The following A2ML1 variants were observed in gnomAD, a reference collection of about 807,000 sequenced individuals.
A2ML1 encodes the protein alpha-2-macroglobulin like 1.
A neutral mutation model predicts 181.9 loss-of-function variants in A2ML1; 161 were observed. The observed-to-expected ratio is 0.89, with a 90% CI of 0.78 to 1.01. A2ML1 has a LOEUF of 1.01. A2ML1 is among the 50% of genes least tolerant of loss of function. The pLI, the probability that A2ML1 is intolerant of heterozygous loss-of-function variation, is 0.00. For missense variants in A2ML1, 1,670 were observed against 1,768.1 expected (o/e 0.94, Z 1.00); for synonymous variants, 663 against 666.8 (o/e 0.99, Z 0.09).
In A2ML1 at chr12:8,851,814, A is replaced by G. The variant is rs775503724; in HGVS notation, c.2265A>G (p.Thr755=). ...CGGGGAAGGAGGCGGTCCACGTCACAGTTCCTGACGCCATCACCGAGTGGA... is the reference window on the plus strand; with the variant it reads ...CGGGGAAGGAGGCGGTCCACGTCACGGTTCCTGACGCCATCACCGAGTGGA... The part of the protein sequence containing the change: ...GNSGKEAVHV[T]VPDAITEWKA... The change falls in exon 19 of 36, where the codon ACA becomes ACG. Residue 755 remains threonine (T), a synonymous_variant. Transcript: ENST00000299698. 3 of 1,614,150 alleles carry G rather than the reference A, an allele frequency of 1.9e-6. No individual in the cohort carries two copies. The highest frequency in any genetic ancestry group is 2.5e-6 in the Non-Finnish European group (3 of 1,180,036).
Position 8,868,258 on chromosome 12 carries a change from C to G in A2ML1, c.3962C>G (p.Pro1321Arg), listed in dbSNP as rs190379856. Reference protein sequence around the residue: ...QTVLRYNILPPTNMKTFSLSV... With the variant: ...QTVLRYNILPRTNMKTFSLSV... ...GTGTTGAGATACAATATTCTCCCTC[C>G]CACAAATATGAAGACCTTTAGTCTT... The change falls in exon 31 of 36, where the codon CCC becomes CGC. Residue 1321 changes from proline to arginine, a missense_variant. Physicochemically the swap from Pro to Arg is moderately radical, Grantham distance 103. Transcript: ENST00000299698. 6.2e-7 allele frequency: 1 copy of G among 1,613,754 alleles called. No individual in the cohort carries two copies. Among genetic ancestry groups the G allele is most frequent in the Non-Finnish European group, 8.5e-7 (1 of 1,179,958 alleles).
At chr12:8,849,794 A>T (rs762322572) in intron 17 of A2ML1, 35 bp downstream of exon 17, 2 of 1,587,402 alleles carry the variant, frequency 1.3e-6, no homozygotes, top group Admixed American at 3.3e-5. Context: ...ATTCTCTGAG[A>T]TGTTAACAGT....
chr12:8,860,985 C>G, intron 27 of A2ML1, 30 bp downstream of exon 27: 1 of 1,612,594 alleles, frequency 6.2e-7, no homozygotes. Context: ...GCTCTTGATA[C>G]CCTCCTTCTC....
Position 8,842,511 on chromosome 12 carries a change from G to A in A2ML1, c.1249-623G>A, listed in dbSNP as rs760763919. 1.2e-4 allele frequency among the ~76,000 whole-genome samples: 18 copies of A among 152,266 alleles called. No individual in the cohort carries two copies. In the East Asian group the frequency reaches 1.5e-3, roughly 13 times the overall value. On this transcript the variant is annotated intron_variant, in intron 11 of 35. Transcript: ENST00000299698. The stretch of plus-strand genomic sequence containing the variant: ...TGGGATTACAGGCGTGAGCCACCGC[G>A]CCCGGCCCCTGTTGCATATGTTAAC...
At position 8,875,078 on chromosome 12, in the gene A2ML1, T is replaced by C. The variant is rs1423155926; in HGVS notation, c.*1+66T>C. 4 of 1,517,068 alleles carry C rather than the reference T, an allele frequency of 2.6e-6. No individual in the cohort carries two copies. In the Admixed American group the frequency reaches 6.8e-5, roughly 26 times the overall value. 94.0% of individuals were successfully genotyped at this position (1,517,068 alleles called of 1,614,324 possible). On this transcript the variant is annotated intron_variant, in intron 35 of 35. Coordinates refer to ENST00000299698, the MANE Select transcript of A2ML1 (RefSeq NM_144670.6). ...TGGCAGAAGTTAAGAGGAGCCTCTT[T>C]TCGAGTTACTGTCATTGTCTTTTTT... is the stretch of plus-strand genomic sequence containing the variant.
intron 3 of A2ML1, among the ~76,000 whole-genome samples, chr12:8,825,561 T>C (rs1942903374): frequency 6.6e-6 from 1 of 152,192 alleles, no homozygotes; most frequent in Admixed American, 6.5e-5. Flanking sequence ...TCTTTGTTGA[T>C]TGTTTCCTTT....
intron 18 of A2ML1, among the ~76,000 whole-genome samples, chr12:8,850,794 G>A (rs1266277777): frequency 2.6e-5 from 4 of 152,100 alleles, no homozygotes; most frequent in South Asian, 2.1e-4. Flanking sequence ...CTGGAGTGCA[G>A]TGGCATGATT....
chr12:8,861,615 G>A (rs1302101391), intron 28 of A2ML1, among the ~76,000 whole-genome samples: 1 of 151,956 alleles, frequency 6.6e-6, no homozygotes, highest in Non-Finnish European at 1.5e-5. Context: ...AGCCTCCCCA[G>A]TAGCTGGGAC....
At chr12:8,849,253 G>C (rs1004561606) in intron 16 of A2ML1, among the ~76,000 whole-genome samples, 3 of 152,168 alleles carry the variant, frequency 2.0e-5, no homozygotes, top group Admixed American at 2.0e-4. Flanking sequence ...TGTGACCCAA[G>C]TCTGACCAGG....
At chr12:8,841,604 C>T in intron 11 of A2ML1, 68 bp downstream of exon 11, 2 of 1,535,970 alleles carry the variant, frequency 1.3e-6, no homozygotes, top group Non-Finnish European at 8.8e-7. Flanking sequence ...TCAGAATTTT[C>T]CTGTTTCCTA....
chr12:8,884,364 C>T (rs183883295), intron 7 of A2ML1, among the ~76,000 whole-genome samples: 189 of 150,390 alleles, frequency 1.3e-3, no homozygotes, highest in African/African-American at 3.9e-3. Flanking sequence ...ATTATTTCAT[C>T]ACCTAGGTAT....
chr12:8,855,030 G>A (rs1944016318), intron 22 of A2ML1, among the ~76,000 whole-genome samples, 199 bp downstream of exon 22: 1 of 152,060 alleles, frequency 6.6e-6, no homozygotes, highest in Non-Finnish European at 1.5e-5. Context: ...GAGTAGCTGG[G>A]ACTACAGGTA....
At chr12:8,829,205 G>A (rs1050906445) in intron 3 of A2ML1, among the ~76,000 whole-genome samples, 17 of 152,152 alleles carry the variant, frequency 1.1e-4, no homozygotes, top group African/African-American at 3.9e-4. Context: ...TGAGGAGGGT[G>A]GTCAATGGAG....
intron 35 of A2ML1, among the ~76,000 whole-genome samples, chr12:8,875,298 G>A (rs1374192902): frequency 4.0e-5 from 6 of 151,708 alleles, no homozygotes; most frequent in East Asian, 1.9e-4. Flanking sequence ...GGCTGGTCTC[G>A]AACTCCTGAC....
In A2ML1 at chr12:8,854,234, G is replaced by A. The variant is rs1277459983; in HGVS notation, c.2697G>A (p.Lys899=). Residue 899 remains lysine (K), a synonymous_variant, in exon 21 of 36, where the codon AAG becomes AAA. Coordinates refer to ENST00000299698, the MANE Select transcript of A2ML1 (RefSeq NM_144670.6). ...PQKGRSDTLI[K]PVLVKPEGVL... The stretch of plus-strand genomic sequence containing the variant: ...AGGGCCGAAGTGACACGCTCATCAA[G>A]CCAGTTCTCGTCAAAGTGAGTTTTC... 1 of 1,603,772 alleles carries A rather than the reference G, an allele frequency of 6.2e-7. No homozygotes were observed. The highest frequency in any genetic ancestry group is 8.5e-7 in the Non-Finnish European group (1 of 1,175,358).
chr12:8,823,358 C>T lies in A2ML1; in HGVS notation c.239C>T (p.Ser80Phe). The T allele has an allele frequency of 6.2e-7, 1 of 1,613,516 alleles. No homozygotes were observed. Among genetic ancestry groups the T allele is most frequent in the South Asian group, 1.1e-5 (1 of 90,986 alleles). The change falls in exon 2 of 36, where the codon TCC becomes TTC. Residue 80 changes from serine to phenylalanine, a missense_variant. Coordinates refer to ENST00000299698, the MANE Select transcript of A2ML1 (RefSeq NM_144670.6). Reference protein sequence around the residue: ...GLKKRHLHCISFLVPPPAGGT... With the variant: ...GLKKRHLHCIFFLVPPPAGGT... The stretch of plus-strand genomic sequence containing the variant: ...AAGAAGAGGCACTTACATTGTATCT[C>T]CTTTCTTGTAAGCACAGACTCAGCC...
At chr12:8,865,977 G>T (rs1214393281) in intron 29 of A2ML1, among the ~76,000 whole-genome samples, 7 of 152,074 alleles carry the variant, frequency 4.6e-5, no homozygotes, top group Admixed American at 4.6e-4. Context: ...AGACCTGAAA[G>T]AATGAACATC....
At position 8,849,661 on chromosome 12, in the gene A2ML1, C is replaced by T. The variant is rs7298954; in HGVS notation, c.2029-8C>T. 1.0e-4 allele frequency: 164 copies of T among 1,612,212 alleles called. 1 individual carries two copies. In the African/African-American group the frequency reaches 1.7e-3, roughly 16 times the overall value. Reference sequence around the variant, plus strand: ...CACCTTAATACTTATTTCTCTGATGCCTATCAGGACGTGGGCCTGAAAATA... The same window carrying T: ...CACCTTAATACTTATTTCTCTGATGTCTATCAGGACGTGGGCCTGAAAATA... On this transcript the variant is annotated splice_region_variant and splice_polypyrimidine_tract_variant and intron_variant, in intron 16 of 35. Coordinates refer to ENST00000299698, the MANE Select transcript of A2ML1 (RefSeq NM_144670.6).
intron 4 of A2ML1, among the ~76,000 whole-genome samples, chr12:8,830,160 T>C (rs1021882228): frequency 2.0e-5 from 3 of 152,162 alleles, no homozygotes; most frequent in African/African-American, 7.2e-5. Context: ...TAAGCAATTC[T>C]CCTGCCTCGG....
Sources: allele counts gnomAD v4.1 joint callset (sites outside exome capture counted in the v4.1 genomes callset), GRCh38; gene constraint gnomAD v4.1.1; transcripts MANE v1.5; gene names NCBI Gene and HGNC (gene_info 2026-07-23, HGNC 2026-07-21).